DDHD2: variants seen among roughly 807,000 people sequenced by gnomAD.
The protein encoded by DDHD2 is DDHD domain containing 2.
Under a neutral mutation model 91.2 loss-of-function variants are expected in DDHD2, and 62 were observed. That is an observed-to-expected ratio of 0.68 (90% CI 0.55 to 0.84). The LOEUF (loss-of-function observed/expected upper bound fraction) is 0.84, where lower values mean the gene tolerates loss of function less well. Ranked by LOEUF, DDHD2 falls within the 40% of genes least tolerant of loss-of-function variation. DDHD2 has a pLI of 0.00. For missense variants in DDHD2, 740 were observed against 846.9 expected (o/e 0.87, Z 1.57); for synonymous variants, 271 against 293.9 (o/e 0.92, Z 0.80).
intron 1 of DDHD2, 77 bp from the exon 2 acceptor site, chr8:38,232,910 A>T: frequency 2.2e-6 from 2 of 918,318 alleles, no homozygotes; most frequent in South Asian, 3.3e-5. Flanking sequence ...CCGTAAAATG[A>T]TTAGTTTTGT....
chr8:38,240,012 C>A (rs972643155), intron 5 of DDHD2, among the ~76,000 whole-genome samples: 1 of 151,468 alleles, frequency 6.6e-6, no homozygotes, highest in East Asian at 2.0e-4. Flanking sequence ...CGTGAGCCAC[C>A]GCGCCCAGCC....
chr8:38,265,826 C>CA (rs1487315192), downstream of DDHD2, among the ~76,000 whole-genome samples: 1 of 152,094 alleles, frequency 6.6e-6, no homozygotes, highest in Non-Finnish European at 1.5e-5. Context: ...TGTTTTTGAA[C>CA]AAAAGTCCTA....
chr8:38,247,891 C>T (rs181671572), intron 10 of DDHD2, 56 bp downstream of exon 10: 34 of 1,387,056 alleles, frequency 2.5e-5, no homozygotes, highest in Admixed American at 2.3e-4. Flanking sequence ...TTTTGTTTAT[C>T]GTGTTTACTA....
rs1393193179 is a variant in DDHD2 at position 38,253,062 on chromosome 8, T to A, written c.1826T>A (p.Leu609Ter). 6.2e-7 allele frequency: 1 copy of A among 1,614,160 alleles called. No homozygotes were observed. The highest frequency in any genetic ancestry group is 8.5e-7 in the Non-Finnish European group (1 of 1,180,026). The change falls in exon 15 of 18, where the codon TTA becomes TAA. Residue 609 changes from leucine to a stop codon, truncating the protein, a stop_gained. Transcript: ENST00000397166. LOFTEE classifies it high-confidence loss of function. ...KSFTRAPYPA[L>*]QASETPEETE... ...TTTACCAGAGCTCCATACCCTGCCTTACAAGCTTCAGAAACACCAGAAGAA... is the reference window on the plus strand; with the variant it reads ...TTTACCAGAGCTCCATACCCTGCCTAACAAGCTTCAGAAACACCAGAAGAA...
intron 6 of DDHD2, among the ~76,000 whole-genome samples, chr8:38,241,442 C>T (rs1805248932): frequency 6.6e-6 from 1 of 151,348 alleles, no homozygotes; most frequent in African/African-American, 2.4e-5. Context: ...TTTCCTGAGA[C>T]AAGAGCTTTG....
Position 38,253,574 on chromosome 8 carries a change from C to T in DDHD2, c.1910C>T (p.Thr637Ile), listed in dbSNP as rs2130855471. 3.7e-6 allele frequency: 6 copies of T among 1,613,986 alleles called. No individual in the cohort carries two copies. Among genetic ancestry groups the T allele is most frequent in the Non-Finnish European group, 5.1e-6 (6 of 1,179,970 alleles). ...EKPSDVNTEE[T>I]SVAVKEEVLP... ...TATCCAGATGTTAACACAGAAGAGA[C>T]CTCTGTGGCAGTTAAAGAAGAAGTC... Residue 637 changes from threonine (T) to isoleucine (I), a missense_variant, in exon 16 of 18, where the codon ACC (threonine) becomes ATC (isoleucine). By Grantham distance (89) the Thr-to-Ile change is moderately conservative. This residue lies in a region of DDHD2 where 693 missense variants were observed against 764.2 expected (regional missense o/e 0.91). Transcript: ENST00000397166.
chr8:38,263,462 G>T (rs1807194929), downstream of DDHD2: 4 of 985,246 alleles, frequency 4.1e-6, no homozygotes, highest in Non-Finnish European at 4.8e-6. Context: ...GTCAAATGAG[G>T]TAGAAACAGT....
chr8:38,266,151 A>G, downstream of DDHD2: 1 of 1,613,904 alleles, frequency 6.2e-7, no homozygotes. Flanking sequence ...CTTGCCAGTG[A>G]TGCTTGTAGT....
downstream of DDHD2, among the ~76,000 whole-genome samples, chr8:38,265,264 CAA>C (rs1228103198): frequency 2.3e-4 from 16 of 70,998 alleles, no homozygotes; most frequent in Admixed American, 3.0e-4. Context: ...GACTCTGTCT[CAA>C]AAAAAAAAAA....
At chr8:38,267,757 C>G (rs117245448), downstream of DDHD2, 473 of 879,914 alleles carry the variant, frequency 5.4e-4, 4 homozygotes, top group East Asian at 0.011. Flanking sequence ...AGGGAGTAAG[C>G]GTTGAATGAC....
chr8:38,247,314 G>GAGACA (rs1340263760), intron 9 of DDHD2: 1 of 152,998 alleles, frequency 6.5e-6, no homozygotes, highest in Non-Finnish European at 1.5e-5. Flanking sequence ...ATCTTTAGTA[G>GAGACA]AGACAGGGTG....
At chr8:38,245,431 CAAAA>C (rs921954707) in intron 7 of DDHD2, among the ~76,000 whole-genome samples, 4 of 109,608 alleles carry the variant, frequency 3.6e-5, no homozygotes, top group African/African-American at 3.4e-5. Flanking sequence ...GAGTCTGTCT[CAAAA>C]AAAAAAAAAA....
At chr8:38,255,309 G>A (rs760430531) in intron 16 of DDHD2, 1 of 507,684 alleles carries the variant, frequency 2.0e-6, no homozygotes, top group South Asian at 1.5e-5. Context: ...AATATATACA[G>A]TAGAGGCCAA....
chr8:38,234,415 T>G lies in DDHD2; in HGVS notation c.242T>G (p.Val81Gly). The change falls in exon 3 of 18, where the codon GTT becomes GGT. Residue 81 changes from valine to glycine, a missense_variant. Around this residue, in one of 2 missense-constraint regions of DDHD2, gnomAD observed 693 missense variants for 764.2 expected, o/e 0.91. Transcript: ENST00000397166. ...AAAGGAAAAGGTTGTAATGGGAGAG[T>G]TGTTCCTACTGATGGGGGCAGATAT... ...YSSGKGCNGR[V>G]VPTDGGRYDV... 1.3e-6 allele frequency: 2 copies of G among 1,594,046 alleles called. No individual in the cohort carries two copies. The highest frequency in any genetic ancestry group is 2.7e-5 in the African/African-American group (2 of 73,774).
In DDHD2 at chr8:38,249,697, T is replaced by C; in HGVS notation, c.1249-11T>C. The C allele has an allele frequency of 6.3e-7, 1 of 1,587,984 alleles. No individual in the cohort carries two copies. Among genetic ancestry groups the C allele is most frequent in the South Asian group, 1.1e-5 (1 of 89,820 alleles). On this transcript the variant is annotated splice_polypyrimidine_tract_variant and intron_variant, in intron 10 of 17. Coordinates refer to ENST00000397166, the MANE Select transcript of DDHD2 (RefSeq NM_015214.3). ...TCTAGAAATAAGAAAGACTTGATTT[T>C]CTATGCCTAGGCTTTATGTACAGAC... is the stretch of plus-strand genomic sequence containing the variant.
chr8:38,238,700 A>G (rs1274011773), intron 5 of DDHD2: 1 of 963,932 alleles, frequency 1.0e-6, no homozygotes, highest in Non-Finnish European at 1.2e-6. Context: ...TGTAATTTAA[A>G]AAGATGAGTT....
At chr8:38,260,200 A>G (rs1028724777) in intron 17 of DDHD2, 53 bp downstream of exon 17, 13 of 1,006,908 alleles carry the variant, frequency 1.3e-5, no homozygotes, top group Non-Finnish European at 1.9e-5. Flanking sequence ...TTAACATGTT[A>G]TAATGAACTA....
chr8:38,264,459 A>G (rs1807281723), downstream of DDHD2: 3 of 1,549,042 alleles, frequency 1.9e-6, no homozygotes, highest in Non-Finnish European at 8.7e-7. Flanking sequence ...TATCAAAACA[A>G]TAAGAATCCC....
At chr8:38,271,452 C>T (rs376637143), downstream of DDHD2, 4 of 152,026 alleles carry the variant, frequency 2.6e-5, no homozygotes, top group Admixed American at 1.3e-4. Flanking sequence ...CCTGGTACCC[C>T]ACCCCAGGTA....
Sources: allele counts gnomAD v4.1 joint callset (sites outside exome capture counted in the v4.1 genomes callset), GRCh38; gene constraint gnomAD v4.1.1; regional missense constraint gnomAD v4.1.1; transcripts MANE v1.5; gene names NCBI Gene and HGNC (gene_info 2026-07-23, HGNC 2026-07-21).